Variants in LIMA1 observed in about 807,000 individuals in gnomAD.
LIMA1 encodes LIM domain and actin-binding protein 1.
A neutral mutation model predicts 62.6 loss-of-function variants in LIMA1; 52 were observed. That is an observed-to-expected ratio of 0.83 (90% CI 0.67 to 1.05). The LOEUF (loss-of-function observed/expected upper bound fraction) is 1.05, where lower values mean the gene tolerates loss of function less well. LIMA1 is among the 50% of genes least tolerant of loss of function. The pLI, the probability that LIMA1 is intolerant of heterozygous loss-of-function variation, is 0.00. For synonymous variants in LIMA1, 302 were observed against 317.8 expected (o/e 0.95, Z 0.53); for missense variants, 780 against 902.2 (o/e 0.86, Z 1.74).
chr12:50,209,163 A>T lies in LIMA1; in HGVS notation c.631-3095T>A, dbSNP rs575769354. On this transcript the variant is annotated intron_variant, in intron 4 of 10. Coordinates refer to ENST00000341247, the MANE Select transcript of LIMA1 (RefSeq NM_016357.5). ...TTAATAAAAACTAAAACAAGCTGGA[A>T]CAACACTATCCGTGCTACATCACAC... Among the ~76,000 whole-genome samples, 12 of 152,088 alleles carry T rather than the reference A, an allele frequency of 7.9e-5. No individual in the cohort carries two copies. The South Asian group carries it at 2.5e-3, about 32-fold the overall frequency.
rs1416508957 is a variant in LIMA1 at position 50,192,460 on chromosome 12, C to G, written c.1132G>C (p.Ala378Pro). 5.6e-6 allele frequency: 9 copies of G among 1,609,708 alleles called. No homozygotes were observed. Among genetic ancestry groups the G allele is most frequent in the Non-Finnish European group, 7.7e-6 (9 of 1,176,078 alleles). ...SSLSESSPPK[A>P]MKKFQAPARE... ...AGAAATTGCCATCATACCTTCATTG[C>G]TTTGGGAGGAGAACTTTCAGAAAGA... is the stretch of plus-strand genomic sequence containing the variant. Residue 378 changes from alanine to proline, a missense_variant, in exon 9 of 11, where the codon GCA (alanine) becomes CCA (proline). Ala to Pro is a conservative substitution (Grantham distance 27). Coordinates refer to ENST00000341247, the MANE Select transcript of LIMA1 (RefSeq NM_016357.5).
chr12:50,182,136 C>G, intron 9 of LIMA1, 99 bp from the exon 10 acceptor site: 1 of 1,326,188 alleles, frequency 7.5e-7, no homozygotes, highest in Non-Finnish European at 1.1e-6. Flanking sequence ...GCTCCCTTAG[C>G]TGGTCAGTCA....
intron 2 of LIMA1, among the ~76,000 whole-genome samples, chr12:50,233,667 G>A (rs1941646135): frequency 6.6e-6 from 1 of 152,162 alleles, no homozygotes; most frequent in Non-Finnish European, 1.5e-5. Context: ...AAGATTACAG[G>A]CATGTGCCAC....
At chr12:50,232,043 C>CTTT (rs750844822) in intron 2 of LIMA1, among the ~76,000 whole-genome samples, 1,084 of 83,430 alleles carry the variant, frequency 0.013, 39 homozygotes, top group South Asian at 0.019. Flanking sequence ...GAGTGCCCAG[C>CTTT]TTTTTTTTTT....
chr12:50,252,300 C>T (rs1358565687), intron 1 of LIMA1, among the ~76,000 whole-genome samples: 1 of 152,096 alleles, frequency 6.6e-6, no homozygotes, highest in African/African-American at 2.4e-5. Context: ...CAAGACTTGG[C>T]CAGGTGTGGT....
At chr12:50,196,500 G>A (rs1940933488) in intron 7 of LIMA1, among the ~76,000 whole-genome samples, 1 of 152,234 alleles carries the variant, frequency 6.6e-6, no homozygotes, top group Admixed American at 6.5e-5. Context: ...TTACGTATAG[G>A]TGTATATATC....
chr12:50,200,840 C>T lies in LIMA1; in HGVS notation c.909G>A (p.Met303Ile), dbSNP rs766224467. The T allele has an allele frequency of 6.2e-7, 1 of 1,614,130 alleles. No individual in the cohort carries two copies. The highest frequency in any genetic ancestry group is 1.3e-5 in the African/African-American group (1 of 75,034). ...ASGGEIKIHK[M>I]EQKENVPPGP... ...CTGGGGGCACATTCTCCTTTTGCTCCATTTTATGAATTTTGATTTCGCCAC... is the reference window on the plus strand; with the variant it reads ...CTGGGGGCACATTCTCCTTTTGCTCTATTTTATGAATTTTGATTTCGCCAC... The change falls in exon 7 of 11, where the codon ATG (methionine) becomes ATA (isoleucine). Residue 303 changes from methionine (M) to isoleucine (I), a missense_variant. Coordinates refer to ENST00000341247, the MANE Select transcript of LIMA1 (RefSeq NM_016357.5).
chr12:50,238,246 C>A (rs1006901984), intron 2 of LIMA1, among the ~76,000 whole-genome samples: 2 of 152,106 alleles, frequency 1.3e-5, no homozygotes, highest in African/African-American at 4.8e-5. Flanking sequence ...GTGGCTCACA[C>A]CTGTAATCTC....
intron 4 of LIMA1, among the ~76,000 whole-genome samples, chr12:50,218,510 A>C (rs150604807): frequency 1.1e-4 from 17 of 152,338 alleles, no homozygotes; most frequent in African/African-American, 4.1e-4. Flanking sequence ...TACTTAGCAC[A>C]GCTGTACCCA....
intron 1 of LIMA1, among the ~76,000 whole-genome samples, chr12:50,268,721 G>T (rs571076728): frequency 1.3e-5 from 2 of 152,160 alleles, no homozygotes; most frequent in African/African-American, 4.8e-5. Context: ...TTATAGGCAT[G>T]AGCCACCACA....
intron 4 of LIMA1, among the ~76,000 whole-genome samples, chr12:50,209,312 G>T (rs1357518316): frequency 6.6e-6 from 1 of 150,968 alleles, no homozygotes; most frequent in Non-Finnish European, 1.5e-5. Flanking sequence ...GCTCACACCT[G>T]TAATCCCAGC....
At chr12:50,234,929 T>C (rs919742071) in intron 2 of LIMA1, among the ~76,000 whole-genome samples, 1 of 152,000 alleles carries the variant, frequency 6.6e-6, no homozygotes, top group African/African-American at 2.4e-5. Context: ...GAGGATTCCT[T>C]GAGCCAGGGA....
chr12:50,212,893 C>T (rs1303644613), intron 4 of LIMA1, among the ~76,000 whole-genome samples: 1 of 152,182 alleles, frequency 6.6e-6, no homozygotes, highest in Non-Finnish European at 1.5e-5. Context: ...CAGCTCACTG[C>T]AACCTCTGCC....
intron 1 of LIMA1, among the ~76,000 whole-genome samples, chr12:50,249,218 G>A (rs561172223): frequency 1.3e-5 from 2 of 152,206 alleles, no homozygotes; most frequent in Non-Finnish European, 2.9e-5. Context: ...GCCACTCAGT[G>A]CCAGGGAGAG....
intron 1 of LIMA1, among the ~76,000 whole-genome samples, chr12:50,267,373 G>A (rs187586932): frequency 3.3e-5 from 5 of 150,438 alleles, no homozygotes; most frequent in East Asian, 4.0e-4. Flanking sequence ...ACCCGGTCAC[G>A]CCCAGCTAAT....
At chr12:50,269,244 A>G (rs577423236) in intron 1 of LIMA1, among the ~76,000 whole-genome samples, 1 of 152,326 alleles carries the variant, frequency 6.6e-6, no homozygotes, top group Admixed American at 6.5e-5. Context: ...TTGCATATAT[A>G]ACTTATTTAA....
At chr12:50,179,165 T>A (rs532309768) in intron 10 of LIMA1, among the ~76,000 whole-genome samples, 27 of 149,560 alleles carry the variant, frequency 1.8e-4, no homozygotes, top group South Asian at 2.1e-4. Context: ...TTTGTTTTGT[T>A]AGAGTCTCGC....
chr12:50,265,859 GCCA>G (rs775990331), intron 1 of LIMA1, among the ~76,000 whole-genome samples: 2 of 151,940 alleles, frequency 1.3e-5, no homozygotes, highest in East Asian at 1.9e-4. Flanking sequence ...AACTTCAGTA[GCCA>G]TGGTGGAATC....
chr12:50,211,896 A>T (rs935266709), intron 4 of LIMA1, among the ~76,000 whole-genome samples: 13 of 152,146 alleles, frequency 8.5e-5, no homozygotes, highest in Non-Finnish European at 1.3e-4. Flanking sequence ...AGGGAGCCTT[A>T]ATCATTCTAA....
Sources: allele counts gnomAD v4.1 joint callset (sites outside exome capture counted in the v4.1 genomes callset), GRCh38; gene constraint gnomAD v4.1.1; transcripts MANE v1.5; gene names NCBI Gene and HGNC (gene_info 2026-07-23, HGNC 2026-07-21).